MGMT: variants seen among roughly 807,000 people sequenced by gnomAD.
MGMT encodes O-6-methylguanine-DNA methyltransferase.
A neutral mutation model predicts 15.9 loss-of-function variants in MGMT; 14 were observed. That is an observed-to-expected ratio of 0.88 (90% CI 0.58 to 1.37). The LOEUF (loss-of-function observed/expected upper bound fraction) is 1.37, where lower values mean the gene tolerates loss of function less well. Ranked by LOEUF, MGMT falls within the 40% of genes most tolerant of loss-of-function variation. MGMT has a pLI of 0.00. For synonymous variants in MGMT, 130 were observed against 118.2 expected (o/e 1.10, Z -0.65); for missense variants, 282 against 268.1 (o/e 1.05, Z -0.36).
chr10:129,642,445 A>T (rs926979923), intron 2 of MGMT, among the ~76,000 whole-genome samples: 12 of 152,332 alleles, frequency 7.9e-5, no homozygotes, highest in Non-Finnish European at 8.8e-5. Flanking sequence ...TTTCCAAAAA[A>T]AAAATAGATC....
rs1846352042 is a variant in MGMT at position 129,566,150 on chromosome 10, C to T, written c.125+29773C>T. 6.6e-6 allele frequency among the ~76,000 whole-genome samples: 1 copy of T among 152,178 alleles called. No homozygotes were observed. Among genetic ancestry groups the T allele is most frequent in the Non-Finnish European group, 1.5e-5 (1 of 68,036 alleles). ...ACTTGCTAGAGCAGGGTTCCCAGTG[C>T]CCCCAGGCTCTACTTTGCTCTGCCT... On this transcript the variant is annotated intron_variant, in intron 2 of 4. Transcript: ENST00000651593. The surrounding 1 kb of genome is among the most constrained non-coding windows in gnomAD (Gnocchi z 4.1).
chr10:129,740,846 G>A (rs190278211), intron 3 of MGMT, among the ~76,000 whole-genome samples: 1 of 152,312 alleles, frequency 6.6e-6, no homozygotes, highest in Admixed American at 6.5e-5. Flanking sequence ...ACTGAACCGA[G>A]CCTGGTACCT....
In MGMT at chr10:129,768,946, T is replaced by C. The variant is rs3750826; in HGVS notation, c.*1949T>C. On this transcript the variant is annotated 3_prime_UTR_variant, in exon 5 of 5. Transcript: ENST00000651593. ...CGATGGAAGCCTCCCAGTGAGATCTTCAGGTCTCTCATCAGGCACAGGCTC... is the reference window on the plus strand; with the variant it reads ...CGATGGAAGCCTCCCAGTGAGATCTCCAGGTCTCTCATCAGGCACAGGCTC... The C allele has an allele frequency of 0.65, 99,487 of 152,220 alleles. 33,545 individuals carry two copies. The highest frequency in any genetic ancestry group is 0.82 in the African/African-American group (34,107 of 41,524). 9.4% of individuals were successfully genotyped at this position (152,220 alleles called of 1,614,324 possible).
chr10:129,716,858 A>G (rs1270096824), intron 3 of MGMT, among the ~76,000 whole-genome samples: 16 of 152,248 alleles, frequency 1.1e-4, no homozygotes, highest in African/African-American at 3.1e-4. Flanking sequence ...GAAGGAGCCA[A>G]ATCGGTTTAA....
chr10:129,542,513 C>A (rs1022789177), intron 2 of MGMT, among the ~76,000 whole-genome samples: 3 of 152,170 alleles, frequency 2.0e-5, no homozygotes, highest in African/African-American at 7.2e-5. Flanking sequence ...AGAAGCACTG[C>A]CAGTAAAAAT....
rs1003477818 is a variant in MGMT at position 129,556,507 on chromosome 10, C to T, written c.125+20130C>T. Among the ~76,000 whole-genome samples the T allele has an allele frequency of 1.3e-5, 2 of 152,312 alleles. No individual in the cohort carries two copies. Among genetic ancestry groups the T allele is most frequent in the Admixed American group, 6.5e-5 (1 of 15,298 alleles). The stretch of plus-strand genomic sequence containing the variant: ...TGGGTTCAGACTTGCAGCACCCAGG[C>T]TGCAGGGCTTCGTCAGGGCAGCCCT... On this transcript the variant is annotated intron_variant, in intron 2 of 4. Transcript: ENST00000651593. The surrounding 1 kb of genome is among the most constrained non-coding windows in gnomAD (Gnocchi z 4.3).
intron 2 of MGMT, among the ~76,000 whole-genome samples, chr10:129,597,798 C>T (rs558397893): frequency 2.6e-5 from 4 of 152,298 alleles, no homozygotes; most frequent in African/African-American, 9.6e-5. Flanking sequence ...TACTTCCTAT[C>T]TCCTTCTCTA....
intron 2 of MGMT, among the ~76,000 whole-genome samples, chr10:129,558,293 C>G (rs1846238318): frequency 6.6e-6 from 1 of 152,112 alleles, no homozygotes; most frequent in African/African-American, 2.4e-5. Flanking sequence ...GAAATACTGC[C>G]CATTTTGAAT....
intron 2 of MGMT, among the ~76,000 whole-genome samples, chr10:129,698,246 T>C (rs1457105687): frequency 3.3e-5 from 5 of 152,196 alleles, no homozygotes; most frequent in Non-Finnish European, 5.9e-5. Context: ...CTGGGCTGTG[T>C]GCGTCATAGC....
chr10:129,625,575 GGAAAA>G (rs1037916278), intron 2 of MGMT, among the ~76,000 whole-genome samples: 6 of 152,194 alleles, frequency 3.9e-5, no homozygotes, highest in African/African-American at 1.2e-4. Flanking sequence ...CATTCACAGA[GGAAAA>G]GAAAAGAACT....
chr10:129,667,061 G>T (rs1254274024), intron 2 of MGMT, among the ~76,000 whole-genome samples: 1 of 152,166 alleles, frequency 6.6e-6, no homozygotes, highest in Non-Finnish European at 1.5e-5. Context: ...GTTGTTTGAA[G>T]CGTCACCCAT....
At position 129,659,383 on chromosome 10, in the gene MGMT, A is replaced by G. The variant is rs563979873; in HGVS notation, c.126-48512A>G. On this transcript the variant is annotated intron_variant, in intron 2 of 4. Transcript: ENST00000651593. This position sits in a 1 kb window ranked among gnomAD's most constrained non-coding sequence, Gnocchi z 4.1. ...GGAAAAAAAAAAAAAAGATACTCAG[A>G]TGTAGCTGTCTCTGCCTGGGTTGTT... Among the ~76,000 whole-genome samples, 1 of 150,742 alleles carries G rather than the reference A, an allele frequency of 6.6e-6. No individual in the cohort carries two copies. The highest frequency in any genetic ancestry group is 2.5e-5 in the African/African-American group (1 of 40,422).
chr10:129,620,297 C>T (rs1158278316), intron 2 of MGMT, among the ~76,000 whole-genome samples: 9 of 152,142 alleles, frequency 5.9e-5, no homozygotes, highest in Admixed American at 3.9e-4. Flanking sequence ...TGTGCATTTG[C>T]GAGAATATAC....
chr10:129,657,816 C>T (rs1314307969), intron 2 of MGMT, among the ~76,000 whole-genome samples: 1 of 152,058 alleles, frequency 6.6e-6, no homozygotes, highest in Non-Finnish European at 1.5e-5. Context: ...GGCCTGACTT[C>T]ATGAGGCCCC....
intron 1 of MGMT, among the ~76,000 whole-genome samples, chr10:129,477,577 G>GA (rs1312057002): frequency 1.4e-5 from 2 of 141,330 alleles, no homozygotes; most frequent in African/African-American, 6.2e-5. Context: ...TTTTTTCTTA[G>GA]AAGAGAAAGA....
At chr10:129,551,820 T>C (rs1846160825) in intron 2 of MGMT, among the ~76,000 whole-genome samples, 1 of 152,164 alleles carries the variant, frequency 6.6e-6, no homozygotes, top group Admixed American at 6.5e-5. Flanking sequence ...GGGTCAGGCA[T>C]AGCCTCCTGT....
At chr10:129,623,887 C>T (rs747122081) in intron 2 of MGMT, among the ~76,000 whole-genome samples, 17 of 152,214 alleles carry the variant, frequency 1.1e-4, no homozygotes, top group Non-Finnish European at 1.8e-4. Context: ...GACCCCACAC[C>T]CTCTTCCTCA....
intron 3 of MGMT, among the ~76,000 whole-genome samples, chr10:129,735,170 G>A (rs1048368549): frequency 2.0e-5 from 3 of 152,104 alleles, no homozygotes; most frequent in African/African-American, 7.2e-5. Context: ...GGTAGAATTC[G>A]GCTGTGAATC....
intron 1 of MGMT, among the ~76,000 whole-genome samples, chr10:129,518,337 TAC>T (rs61316662): frequency 0.046 from 5,523 of 119,430 alleles, 156 homozygotes; most frequent in South Asian, 0.1. Flanking sequence ...TACACACACA[TAC>T]ACACACACAC....
Sources: gnomAD v4.1 joint callset for allele counts (sites outside exome capture counted in the v4.1 genomes callset) on GRCh38, gnomAD v4.1.1 for gene constraint, Gnocchi (gnomAD v3.1) non-coding constraint, MANE v1.5 for transcripts, NCBI Gene and HGNC (gene_info 2026-07-23, HGNC 2026-07-21) for gene names.